GABRG3: variants seen among roughly 807,000 people sequenced by gnomAD.
GABRG3 encodes the protein gamma-aminobutyric acid type A receptor subunit gamma3, also known as gamma-aminobutyric acid receptor subunit gamma-3.
GABRG3 carries 25 observed loss-of-function variants against 48.8 expected under a neutral mutation model. The ratio of observed to expected loss-of-function variants is 0.51; its 90% CI spans 0.37 to 0.72. The LOEUF is 0.72. Ranked by LOEUF, GABRG3 falls within the 30% of genes least tolerant of loss-of-function variation. The probability of loss-of-function intolerance (pLI) is 0.00; values close to 1 mark genes in which losing one functional copy is unlikely to be tolerated. For missense variants in GABRG3, 394 were observed against 577.9 expected (o/e 0.68, Z 3.26); for synonymous variants, 227 against 217.6 (o/e 1.04, Z -0.38).
At chr15:27,193,238 T>G (rs1038469851) in intron 3 of GABRG3, among the ~76,000 whole-genome samples, 1 of 152,162 alleles carries the variant, frequency 6.6e-6, no homozygotes, top group African/African-American at 2.4e-5. Flanking sequence ...GAACCACTGC[T>G]CTCTTCAAAG....
At chr15:27,453,188 G>A (rs1889161528) in intron 5 of GABRG3, among the ~76,000 whole-genome samples, 1 of 152,140 alleles carries the variant, frequency 6.6e-6, no homozygotes, top group Non-Finnish European at 1.5e-5. Flanking sequence ...TCAGTTATGC[G>A]GGGTTAGTTC....
At chr15:27,001,888 G>GTTTTTTTGTTTTTTTTTTTT in intron 2 of GABRG3, among the ~76,000 whole-genome samples, 1 of 121,230 alleles carries the variant, frequency 8.2e-6, no homozygotes. Flanking sequence ...CCATAACTCA[G>GTTTTTTTGTTTTTTTTTTTT]TTTTTTTTTT....
chr15:27,049,386 T>C (rs1468652803), intron 3 of GABRG3, among the ~76,000 whole-genome samples: 3 of 152,238 alleles, frequency 2.0e-5, no homozygotes, highest in Non-Finnish European at 4.4e-5. Flanking sequence ...CTGGAGCACC[T>C]GCTAGCTGTC....
intron 3 of GABRG3, among the ~76,000 whole-genome samples, chr15:27,257,704 G>T (rs185840345): frequency 4.8e-4 from 73 of 152,196 alleles, no homozygotes; most frequent in Admixed American, 2.6e-3. Context: ...ACATGGTTTT[G>T]CTCTGTTGCC....
chr15:27,330,717 T>G (rs938694362), intron 5 of GABRG3, among the ~76,000 whole-genome samples: 9 of 152,230 alleles, frequency 5.9e-5, no homozygotes, highest in Non-Finnish European at 1.5e-5. Flanking sequence ...CACATAGTAC[T>G]CAGGGAAATA....
intron 5 of GABRG3, among the ~76,000 whole-genome samples, chr15:27,460,317 A>T (rs1889410614): frequency 6.6e-6 from 1 of 152,208 alleles, no homozygotes. Flanking sequence ...TCCCTGCTGG[A>T]GGCTGAGCCA....
intron 6 of GABRG3, among the ~76,000 whole-genome samples, chr15:27,506,230 T>G (rs546721506): frequency 6.6e-6 from 1 of 152,336 alleles, no homozygotes; most frequent in South Asian, 2.1e-4. Flanking sequence ...CACTGTGAAC[T>G]TGATGGATTT....
At chr15:27,086,095 G>C (rs1897071726) in intron 3 of GABRG3, among the ~76,000 whole-genome samples, 1 of 149,158 alleles carries the variant, frequency 6.7e-6, no homozygotes, top group Non-Finnish European at 1.5e-5. Flanking sequence ...TAACAAAATT[G>C]AACCTTTTGG....
rs1018251361 is a variant in GABRG3 at position 27,535,158 on chromosome 15, T to C, written c.*2277T>C. The C allele has an allele frequency of 6.6e-6, 1 of 152,182 alleles. No homozygotes were observed. The allele number at this position is 152,182 out of a possible 1,614,324, so 9.4% of individuals were successfully genotyped here. A position where few individuals can be genotyped will look rare whatever the true frequency, so the allele number is the denominator to read the frequency against. ...AAGGGAAGGTGGCCCAAGGGCAGTC[T>C]TAAGACACAATGTCAAACGTTATGA... On this transcript the variant is annotated 3_prime_UTR_variant, in exon 10 of 10. Coordinates refer to ENST00000615808, the MANE Select transcript of GABRG3 (RefSeq NM_033223.5).
chr15:27,288,018 T>C (rs1891673955), intron 3 of GABRG3, among the ~76,000 whole-genome samples: 1 of 152,188 alleles, frequency 6.6e-6, no homozygotes, highest in African/African-American at 2.4e-5. Flanking sequence ...ATTACAGGTG[T>C]GAGCCACCGT....
At chr15:27,219,311 T>G (rs1889371980) in intron 3 of GABRG3, among the ~76,000 whole-genome samples, 1 of 152,162 alleles carries the variant, frequency 6.6e-6, no homozygotes, top group Non-Finnish European at 1.5e-5. Context: ...TTGGGACCAT[T>G]GTTTGTGCTC....
chr15:27,502,409 A>C (rs1341989375), intron 6 of GABRG3, among the ~76,000 whole-genome samples: 3 of 152,144 alleles, frequency 2.0e-5, no homozygotes, highest in Admixed American at 6.5e-5. Flanking sequence ...CACACACTCA[A>C]AGTGCTTTAT....
At chr15:27,197,611 GT>G (rs758137228) in intron 3 of GABRG3, among the ~76,000 whole-genome samples, 1 of 151,560 alleles carries the variant, frequency 6.6e-6, no homozygotes, top group Non-Finnish European at 1.5e-5. Context: ...TTGCACGTGC[GT>G]TTTTTTTGTA....
In GABRG3 at chr15:27,001,525, T is replaced by C. The variant is rs576621644; in HGVS notation, c.202+24375T>C. 2.6e-5 allele frequency among the ~76,000 whole-genome samples: 4 copies of C among 152,364 alleles called. No homozygotes were observed. In the East Asian group the frequency reaches 7.7e-4, roughly 29 times the overall value. ...TTAGCATTTGTGGATGTTGAATTTC[T>C]TCTAGACACTGAGTTTGAGGAACTA... is the stretch of plus-strand genomic sequence containing the variant. On this transcript the variant is annotated intron_variant, in intron 2 of 9. Transcript: ENST00000615808.
chr15:27,104,935 A>C (rs1897424283), intron 3 of GABRG3, among the ~76,000 whole-genome samples: 1 of 152,220 alleles, frequency 6.6e-6, no homozygotes, highest in Admixed American at 6.5e-5. Context: ...TAATCACTTT[A>C]AGTCTAAATA....
intron 6 of GABRG3, among the ~76,000 whole-genome samples, chr15:27,496,753 C>A (rs542857542): frequency 6.6e-6 from 1 of 152,030 alleles, no homozygotes; most frequent in Non-Finnish European, 1.5e-5. Context: ...AAAGGGAAGA[C>A]GAGGCCAAGG....
At chr15:27,351,327 G>C (rs887694853) in intron 5 of GABRG3, among the ~76,000 whole-genome samples, 1 of 148,654 alleles carries the variant, frequency 6.7e-6, no homozygotes, top group Non-Finnish European at 1.5e-5. Flanking sequence ...TGTGTATGGT[G>C]TGTGTGTGTA....
intron 5 of GABRG3, among the ~76,000 whole-genome samples, chr15:27,465,245 G>A (rs111855649): frequency 1.2e-4 from 18 of 152,298 alleles, no homozygotes; most frequent in Non-Finnish European, 2.4e-4. Flanking sequence ...GCACTCTTTG[G>A]AGAATTACTA....
chr15:27,128,227 C>T (rs546330508), intron 3 of GABRG3, among the ~76,000 whole-genome samples: 6 of 152,186 alleles, frequency 3.9e-5, no homozygotes, highest in Admixed American at 2.0e-4. Flanking sequence ...TTTGTTATTG[C>T]GAATAGTGCT....
Sources: allele counts gnomAD v4.1 joint callset (sites outside exome capture counted in the v4.1 genomes callset), GRCh38; gene constraint gnomAD v4.1.1; transcripts MANE v1.5; gene names NCBI Gene and HGNC (gene_info 2026-07-23, HGNC 2026-07-21).